The following ZNF274 variants were observed in gnomAD, a reference collection of about 807,000 sequenced individuals.
ZNF274 encodes zinc finger protein 274.
ZNF274 carries 23 observed loss-of-function variants against 42.5 expected under a neutral mutation model. The observed-to-expected ratio is 0.54, with a 90% CI of 0.39 to 0.77. The LOEUF (loss-of-function observed/expected upper bound fraction) is 0.77. Ranked by LOEUF, ZNF274 falls within the 30% of genes least tolerant of loss-of-function variation. The pLI is 0.00. For missense variants in ZNF274, 679 were observed against 806.5 expected (o/e 0.84, Z 1.91); for synonymous variants, 292 against 305.4 (o/e 0.96, Z 0.46).
At chr19:58,187,149 T>C in intron 4 of ZNF274, 107 bp downstream of exon 4, 1 of 921,694 alleles carries the variant, frequency 1.1e-6, no homozygotes, top group South Asian at 1.5e-5. Context: ...GGTGGGATGC[T>C]GTGATGAGCA....
At chr19:58,205,268 C>T (rs2075968369) in intron 4 of ZNF274, among the ~76,000 whole-genome samples, 1 of 152,160 alleles carries the variant, frequency 6.6e-6, no homozygotes, top group African/African-American at 2.4e-5. Flanking sequence ...CAGGTTTGCT[C>T]TTGTCGTTGC....
At position 58,207,240 on chromosome 19, in the gene ZNF274, G is replaced by C; in HGVS notation, c.739+38G>C. ...GTGGGTAGAGGGACAGCTTAATGAG[G>C]GTGTCTTGGAGTACCCTGTGGGGGA... On this transcript the variant is annotated intron_variant, in intron 5 of 7. Transcript: ENST00000617501. This position sits in a 1 kb window ranked among gnomAD's most constrained non-coding sequence, Gnocchi z 5.6. The C allele has an allele frequency of 1.9e-6, 3 of 1,571,236 alleles. No homozygotes were observed. The highest frequency in any genetic ancestry group is 2.6e-6 in the Non-Finnish European group (3 of 1,158,412).
intron 4 of ZNF274, among the ~76,000 whole-genome samples, chr19:58,198,297 C>T (rs904105011): frequency 2.0e-5 from 3 of 152,172 alleles, no homozygotes; most frequent in African/African-American, 7.2e-5. Context: ...TTTTTAGTTA[C>T]AGTAGTTTGC....
chr19:58,210,079 C>T lies in ZNF274; in HGVS notation c.852+6C>T, dbSNP rs372227456. 2.2e-5 allele frequency: 36 copies of T among 1,611,276 alleles called. No individual in the cohort carries two copies. Among genetic ancestry groups the T allele is most frequent in the Middle Eastern group, 1.7e-4 (1 of 6,032 alleles). On this transcript the variant is annotated splice_donor_region_variant and intron_variant, in intron 6 of 7. Coordinates refer to ENST00000617501, the MANE Select transcript of ZNF274 (RefSeq NM_133502.3). ...CAGTGACAGTGCTCCCTGAGGTAAG[C>T]GGGGAGTATCACCCTGTTTTGGTCA...
At position 58,212,575 on chromosome 19, in the gene ZNF274, G is replaced by A. The variant is rs368098564; in HGVS notation, c.1394G>A (p.Arg465His). Reference sequence around the variant, plus strand: ...GTTAAAAGTATGAAACATAATTCACGTGTAAAAATTCATCAGAAGAGCTGT... The same window carrying A: ...GTTAAAAGTATGAAACATAATTCACATGTAAAAATTCATCAGAAGAGCTGT... ...SQVKSMKHNS[R>H]VKIHQKSCER... Residue 465 changes from arginine (R) to histidine (H), a missense_variant, in exon 8 of 8, where the codon CGT (arginine) becomes CAT (histidine). Arg to His is a conservative substitution (Grantham distance 29). Coordinates refer to ENST00000617501, the MANE Select transcript of ZNF274 (RefSeq NM_133502.3). This position sits in a 1 kb window ranked among gnomAD's most constrained non-coding sequence, Gnocchi z 4.6. 37 of 1,613,896 alleles carry A rather than the reference G, an allele frequency of 2.3e-5. No homozygotes were observed. The African/African-American group carries it at 2.9e-4, about 13-fold the overall frequency.
chr19:58,187,507 C>T (rs1436710845), intron 4 of ZNF274, among the ~76,000 whole-genome samples: 3 of 152,130 alleles, frequency 2.0e-5, no homozygotes, highest in East Asian at 3.9e-4. Context: ...CTGCACCCTC[C>T]GCGTCCTGGA....
chr19:58,189,620 A>AAAAAG (rs1279021980), intron 4 of ZNF274, among the ~76,000 whole-genome samples: 1 of 152,220 alleles, frequency 6.6e-6, no homozygotes, highest in Admixed American at 6.5e-5. Context: ...GTCATTTAAA[A>AAAAAG]AAAAGAAAAA....
At chr19:58,189,353 C>T (rs924190922) in intron 4 of ZNF274, among the ~76,000 whole-genome samples, 4 of 152,154 alleles carry the variant, frequency 2.6e-5, no homozygotes, top group Non-Finnish European at 4.4e-5. Context: ...CGAACTGCTG[C>T]GCTCAAGCAG....
chr19:58,206,505 G>A (rs2075979766), intron 4 of ZNF274, among the ~76,000 whole-genome samples: 1 of 152,208 alleles, frequency 6.6e-6, no homozygotes, highest in Admixed American at 6.5e-5. Context: ...GTTTTGCAGA[G>A]TGGTACAGCA....
intron 4 of ZNF274, among the ~76,000 whole-genome samples, chr19:58,202,991 G>A (rs532958278): frequency 9.2e-5 from 14 of 152,282 alleles, no homozygotes; most frequent in Admixed American, 8.5e-4. Context: ...AAGGGGTGGG[G>A]TGGAGTAGAA....
chr19:58,212,539 G>A lies in ZNF274; in HGVS notation c.1358G>A (p.Arg453His), dbSNP rs551136590. 2.2e-5 allele frequency: 35 copies of A among 1,613,964 alleles called. No individual in the cohort carries two copies. Among genetic ancestry groups the A allele is most frequent in the African/African-American group, 1.5e-4 (11 of 75,024 alleles). Residue 453 changes from arginine to histidine, a missense_variant, in exon 8 of 8, where the codon CGT becomes CAT. By Grantham distance (29) the Arg-to-His change is conservative. Coordinates refer to ENST00000617501, the MANE Select transcript of ZNF274 (RefSeq NM_133502.3). The surrounding 1 kb of genome is among the most constrained non-coding windows in gnomAD (Gnocchi z 4.6). ...CCTCCTAGAAAACGATTGCGCAAAC[G>A]TGACTCACAAGTTAAAAGTATGAAA... ...KIPPRKRLRKRDSQVKSMKHN... is the reference protein window; with the variant it reads ...KIPPRKRLRKHDSQVKSMKHN...
chr19:58,201,562 G>C (rs2075911888), intron 4 of ZNF274, among the ~76,000 whole-genome samples: 1 of 151,238 alleles, frequency 6.6e-6, no homozygotes, highest in East Asian at 1.9e-4. Flanking sequence ...TGTCGCCCAG[G>C]CTGGAGTGCA....
At chr19:58,201,675 C>T (rs2075913394) in intron 4 of ZNF274, among the ~76,000 whole-genome samples, 2 of 152,048 alleles carry the variant, frequency 1.3e-5, no homozygotes, top group South Asian at 4.2e-4. Context: ...CGCCACCTCG[C>T]CTAGCTAACT....
intron 4 of ZNF274, among the ~76,000 whole-genome samples, chr19:58,191,262 A>C (rs2075775898): frequency 6.6e-6 from 1 of 152,102 alleles, no homozygotes; most frequent in Admixed American, 6.6e-5. Flanking sequence ...CTCAGCCTCC[A>C]GAGTAGCTGG....
intron 1 of ZNF274, 36 bp from the exon 2 acceptor site, chr19:58,183,885 A>C (rs893146235): frequency 7.5e-6 from 11 of 1,460,384 alleles, no homozygotes; most frequent in Non-Finnish European, 9.4e-6. Flanking sequence ...GGACACCTTA[A>C]GCCTCTCCCT....
rs773036760 is a variant in ZNF274, at chr19:58,211,544, A to G, written c.853-16A>G. The G allele has an allele frequency of 4.4e-6, 7 of 1,608,956 alleles. No homozygotes were observed. Among genetic ancestry groups the G allele is most frequent in the African/African-American group, 2.7e-5 (2 of 74,716 alleles). On this transcript the variant is annotated splice_polypyrimidine_tract_variant and intron_variant, in intron 6 of 7. Transcript: ENST00000617501. The surrounding 1 kb of genome is among the most constrained non-coding windows in gnomAD (Gnocchi z 4.8). ...TGACCCTCTTGCTGAGCATAGACAC[A>G]TATGTGATGTTACAGGAGCCAGTGA...
chr19:58,189,612 C>G (rs1230005515), intron 4 of ZNF274, among the ~76,000 whole-genome samples: 2 of 151,896 alleles, frequency 1.3e-5, no homozygotes, highest in Admixed American at 1.3e-4. Context: ...TTCCCCTTGT[C>G]ATTTAAAAAA....
chr19:58,183,353 C>T lies in ZNF274; in HGVS notation c.-135C>T, dbSNP rs1042528610. On this transcript the variant is annotated 5_prime_UTR_variant, in exon 1 of 8. Transcript: ENST00000617501. ...CCGCTGGGTGAGGCAAGCTGGCGCG[C>T]CGCGGGGGCGTCTGGGAGTTGTAGT... is the stretch of plus-strand genomic sequence containing the variant. 5 of 152,356 alleles carry T rather than the reference C, an allele frequency of 3.3e-5. No individual in the cohort carries two copies. Among genetic ancestry groups the T allele is most frequent in the African/African-American group, 1.2e-4 (5 of 41,470 alleles). 9.4% of individuals were successfully genotyped at this position (152,356 alleles called of 1,614,324 possible). A position where few individuals can be genotyped will look rare whatever the true frequency, so the allele number is the denominator to read the frequency against.
At chr19:58,192,607 C>A (rs2075790745) in intron 4 of ZNF274, among the ~76,000 whole-genome samples, 1 of 152,174 alleles carries the variant, frequency 6.6e-6, no homozygotes, top group Non-Finnish European at 1.5e-5. Context: ...CACATCCTCC[C>A]ATATAGCTGA....
Sources: gnomAD v4.1 joint callset for allele counts (sites outside exome capture counted in the v4.1 genomes callset) on GRCh38, gnomAD v4.1.1 for gene constraint, Gnocchi (gnomAD v3.1) non-coding constraint, MANE v1.5 for transcripts, NCBI Gene and HGNC (gene_info 2026-07-23, HGNC 2026-07-21) for gene names.